PLN: variants seen among roughly 807,000 people sequenced by gnomAD.
PLN encodes phospholamban.
A neutral mutation model predicts 3.9 loss-of-function variants in PLN; 1 was observed. That is an observed-to-expected ratio of 0.26 (90% CI 0.09 to 1.23). The LOEUF is 1.23. Among genes scored for constraint, PLN ranks in the 50% most tolerant of loss-of-function variants. PLN has a pLI of 0.48. For synonymous variants in PLN, 21 were observed against 20.5 expected, an observed-to-expected ratio of 1.02 and a Z score of -0.07; for missense variants, 59 against 62.7, an observed-to-expected ratio of 0.94 and a Z score of 0.20.
rs1183577920 is a variant in PLN, at chr6:118,560,930, A to G, written c.*1850A>G. ...TCAGTTGAAGACATGTTACTAATAT[A>G]ACTATTATTAAAAGAGTAGAGGATG... is the stretch of plus-strand genomic sequence containing the variant. On this transcript the variant is annotated 3_prime_UTR_variant, in exon 2 of 2. Coordinates refer to ENST00000357525, the MANE Select transcript of PLN (RefSeq NM_002667.5). Among the ~76,000 whole-genome samples, 2 of 152,226 alleles carry G rather than the reference A, an allele frequency of 1.3e-5. No homozygotes were observed. Among genetic ancestry groups the G allele is most frequent in the African/African-American group, 4.8e-5 (2 of 41,454 alleles).
chr6:118,550,071 GA>G (rs1778451497), intron 1 of PLN, among the ~76,000 whole-genome samples: 1 of 151,722 alleles, frequency 6.6e-6, no homozygotes, highest in South Asian at 2.1e-4. Context: ...AAATCAAATG[GA>G]AAAAATATGA....
rs1357425510 is a variant in PLN, at chr6:118,560,423, C to T, written c.*1343C>T. The stretch of plus-strand genomic sequence containing the variant: ...TATTCATTAAATGGAAGTGGGTCAA[C>T]ATAAAAGTCTTCATTCTCATTGTCT... On this transcript the variant is annotated 3_prime_UTR_variant, in exon 2 of 2. Transcript: ENST00000357525. 6.0e-6 allele frequency: 1 copy of T among 166,786 alleles called. No individual in the cohort carries two copies. Among genetic ancestry groups the T allele is most frequent in the Non-Finnish European group, 1.5e-5 (1 of 68,080 alleles). The allele number at this position is 166,786 out of a possible 1,614,324, so 10.3% of individuals were successfully genotyped here. A position where few individuals can be genotyped will look rare whatever the true frequency, so the allele number is the denominator to read the frequency against.
intron 1 of PLN, among the ~76,000 whole-genome samples, chr6:118,556,887 A>G (rs1024674991): frequency 1.1e-4 from 17 of 152,216 alleles, no homozygotes; most frequent in Non-Finnish European, 2.1e-4. Flanking sequence ...TTTTCAGTCT[A>G]TATATAATTT....
In PLN at chr6:118,549,952, T is replaced by C. The variant is rs537998601; in HGVS notation, c.-98+1560T>C. On this transcript the variant is annotated intron_variant, in intron 1 of 1. Coordinates refer to ENST00000357525, the MANE Select transcript of PLN (RefSeq NM_002667.5). ...TTTCAAATATAATGTGGTAGTACCATACATTGTGTCCCAACTAGTTCATCT... is the reference window on the plus strand; with the variant it reads ...TTTCAAATATAATGTGGTAGTACCACACATTGTGTCCCAACTAGTTCATCT... 8.9e-4 allele frequency among the ~76,000 whole-genome samples: 135 copies of C among 152,032 alleles called. 1 individual carries two copies. Among genetic ancestry groups the C allele is most frequent in the Admixed American group, 4.6e-3 (70 of 15,262 alleles).
At chr6:118,550,061 A>G (rs1409681119) in intron 1 of PLN, among the ~76,000 whole-genome samples, 1 of 151,946 alleles carries the variant, frequency 6.6e-6, no homozygotes, top group East Asian at 1.9e-4. Flanking sequence ...GTGTTAGATG[A>G]AATCAAATGG....
intron 1 of PLN, 64 bp from the exon 2 acceptor site, chr6:118,558,761 A>G (rs1779052303): frequency 1.5e-6 from 1 of 663,786 alleles, no homozygotes; most frequent in Non-Finnish European, 2.7e-6. Context: ...GTAAAATTGT[A>G]TTTTTTGTTC....
intron 1 of PLN, among the ~76,000 whole-genome samples, chr6:118,553,616 G>C (rs989049255): frequency 3.9e-5 from 6 of 152,116 alleles, no homozygotes; most frequent in Non-Finnish European, 8.8e-5. Context: ...TTCTAAATCT[G>C]ACAAGAAACA....
At chr6:118,548,724 G>T (rs1778354857) in intron 1 of PLN, among the ~76,000 whole-genome samples, 1 of 151,916 alleles carries the variant, frequency 6.6e-6, no homozygotes, top group Non-Finnish European at 1.5e-5. Flanking sequence ...TACCATATTT[G>T]GTAGTAGTGG....
intron 1 of PLN, among the ~76,000 whole-genome samples, chr6:118,548,781 C>T (rs1357261238): frequency 6.6e-5 from 10 of 151,986 alleles, no homozygotes; most frequent in African/African-American, 2.4e-4. Context: ...TTATTTATTG[C>T]TCTGCTGAGA....
chr6:118,555,192 G>A (rs1222506634), intron 1 of PLN, among the ~76,000 whole-genome samples: 1 of 152,176 alleles, frequency 6.6e-6, no homozygotes, highest in Non-Finnish European at 1.5e-5. Flanking sequence ...AGCACTTTGG[G>A]AGGCCGAGGC....
chr6:118,560,987 A>T lies in PLN; in HGVS notation c.*1907A>T, dbSNP rs1313091261. On this transcript the variant is annotated 3_prime_UTR_variant, in exon 2 of 2. Coordinates refer to ENST00000357525, the MANE Select transcript of PLN (RefSeq NM_002667.5). ...TAACCATATCTTCTAAAACATGGTT[A>T]CTAAAAGAATATGTAACATCAATAT... Among the ~76,000 whole-genome samples, 1 of 152,244 alleles carries T rather than the reference A, an allele frequency of 6.6e-6. No homozygotes were observed. The highest frequency in any genetic ancestry group is 2.4e-5 in the African/African-American group (1 of 41,462).
intron 1 of PLN, among the ~76,000 whole-genome samples, chr6:118,551,461 T>C (rs1307792959): frequency 6.6e-6 from 1 of 151,842 alleles, no homozygotes; most frequent in African/African-American, 2.4e-5. Context: ...AGATTCTGAA[T>C]TTCCAACTCC....
chr6:118,551,532 T>TA (rs1205368358), intron 1 of PLN, among the ~76,000 whole-genome samples: 1 of 151,894 alleles, frequency 6.6e-6, no homozygotes, highest in African/African-American at 2.4e-5. Flanking sequence ...TTTCAATATT[T>TA]AAAAAACAAT....
Position 118,558,644 on chromosome 6 carries a change from CACACACACACACACACAGAG to C in PLN, c.-97-179_-97-160del, listed in dbSNP as rs1275807807. ...GTGCACATACACACACACACACACA[CACACACACACACACACAGAG>C]AGAGAGAGAGAGAGAGAGAGAGAGG... On this transcript the variant is annotated intron_variant, in intron 1 of 1. Transcript: ENST00000357525. Among the ~76,000 whole-genome samples, 4 of 142,104 alleles carry C rather than the reference CACACACACACACACACAGAG, an allele frequency of 2.8e-5. No individual in the cohort carries two copies. In the East Asian group the frequency reaches 5.9e-4, roughly 21 times the overall value. 93.2% of individuals were successfully genotyped at this position (142,104 alleles called of 152,430 possible).
At chr6:118,552,990 A>T (rs923063949) in intron 1 of PLN, among the ~76,000 whole-genome samples, 21 of 152,216 alleles carry the variant, frequency 1.4e-4, no homozygotes, top group East Asian at 9.7e-4. Flanking sequence ...GTGTCAAAAC[A>T]ACCAATTTAT....
Position 118,558,820 on chromosome 6 carries a change from T to C in PLN, c.-97-5T>C, listed in dbSNP as rs751500735. On this transcript the variant is annotated splice_region_variant and splice_polypyrimidine_tract_variant and intron_variant, in intron 1 of 1. Coordinates refer to ENST00000357525, the MANE Select transcript of PLN (RefSeq NM_002667.5). ...TCTAATCCATTTATTATTTTTACAT[T>C]CCAGGCTACCTAAAAGAAGACAGTT... 4.3e-5 allele frequency: 34 copies of C among 799,330 alleles called. No homozygotes were observed. Among genetic ancestry groups the C allele is most frequent in the African/African-American group, 1.0e-4 (6 of 59,102 alleles). The allele number at this position is 799,330 out of a possible 1,614,324, so 49.5% of individuals were successfully genotyped here. A position where few individuals can be genotyped will look rare whatever the true frequency, so the allele number is the denominator to read the frequency against.
chr6:118,551,952 A>G (rs1230742052), intron 1 of PLN, among the ~76,000 whole-genome samples: 1 of 152,020 alleles, frequency 6.6e-6, no homozygotes, highest in Non-Finnish European at 1.5e-5. Flanking sequence ...CCACAAGTCC[A>G]AAAAAGGGTA....
chr6:118,552,077 A>C (rs1249915087), intron 1 of PLN, among the ~76,000 whole-genome samples: 5 of 152,072 alleles, frequency 3.3e-5, no homozygotes, highest in African/African-American at 1.2e-4. Flanking sequence ...AGAAAATTCT[A>C]ATCTTCTAAA....
intron 1 of PLN, among the ~76,000 whole-genome samples, chr6:118,553,145 A>G (rs1207534006): frequency 6.6e-6 from 1 of 152,040 alleles, no homozygotes; most frequent in Non-Finnish European, 1.5e-5. Context: ...ACATGAAAAT[A>G]AAACTAAACT....
Sources: allele counts gnomAD v4.1 joint callset (sites outside exome capture counted in the v4.1 genomes callset), GRCh38; gene constraint gnomAD v4.1.1; transcripts MANE v1.5; gene names NCBI Gene and HGNC (gene_info 2026-07-23, HGNC 2026-07-21).